The following STON2 variants were observed in gnomAD, a reference collection of about 807,000 sequenced individuals.
STON2 encodes stonin 2, also known as stonin-2.
In STON2, 29 loss-of-function variants were observed where a neutral mutation model predicts 65.7. That is an observed-to-expected ratio of 0.44 (90% confidence interval 0.33 to 0.60). STON2 has a LOEUF of 0.60. Among genes scored for constraint, STON2 ranks in the 20% least tolerant of loss-of-function variants. The pLI is 0.03. For missense variants in STON2, 1,054 were observed against 1,118.1 expected (o/e 0.94, Z 0.82); for synonymous variants, 404 against 414.2 (o/e 0.98, Z 0.30).
intron 4 of STON2, among the ~76,000 whole-genome samples, chr14:81,360,063 C>A (rs1566926246): frequency 1.3e-5 from 2 of 152,220 alleles, no homozygotes; most frequent in East Asian, 3.9e-4. Context: ...TATACTCCAG[C>A]CTTGGCAACA....
In STON2 at chr14:81,263,255, T is replaced by G. The variant is rs929056697; in HGVS notation, c.*5159A>C. ...AACTTTCTTAAAACATTATGCTATT[T>G]TGGCCAGGCGCGGCGGCTCATGCCT... On this transcript the variant is annotated 3_prime_UTR_variant, in exon 8 of 8. Coordinates refer to ENST00000614646, the MANE Select transcript of STON2 (RefSeq NM_001394390.1). 11 of 822,276 alleles carry G rather than the reference T, an allele frequency of 1.3e-5. No homozygotes were observed. Among genetic ancestry groups the G allele is most frequent in the Admixed American group, 6.2e-5 (1 of 16,068 alleles). 50.9% of individuals were successfully genotyped at this position (822,276 alleles called of 1,614,324 possible).
intron 2 of STON2, among the ~76,000 whole-genome samples, chr14:81,422,188 A>G (rs1342962730): frequency 6.6e-6 from 1 of 152,156 alleles, no homozygotes; most frequent in Non-Finnish European, 1.5e-5. Context: ...TTGGATGGTG[A>G]GGCCAGATCC....
chr14:81,386,699 G>A (rs1324705046), intron 3 of STON2, among the ~76,000 whole-genome samples: 1 of 152,174 alleles, frequency 6.6e-6, no homozygotes, highest in Non-Finnish European at 1.5e-5. Context: ...TTCAGCCCTG[G>A]CCTTGCAGAA....
At chr14:81,419,544 G>C (rs951441955) in intron 2 of STON2, among the ~76,000 whole-genome samples, 14 of 152,162 alleles carry the variant, frequency 9.2e-5, no homozygotes, top group Non-Finnish European at 7.4e-5. Flanking sequence ...GCATCCATCT[G>C]CCCAATTCCC....
chr14:81,414,755 C>A (rs1271206860), intron 2 of STON2, among the ~76,000 whole-genome samples: 1 of 152,094 alleles, frequency 6.6e-6, no homozygotes. Flanking sequence ...AATTTCCTGA[C>A]ACCGCAGCCC....
intron 3 of STON2, among the ~76,000 whole-genome samples, chr14:81,393,002 G>A (rs72689302): frequency 0.027 from 4,158 of 152,206 alleles, 85 homozygotes; most frequent in African/African-American, 0.052. Context: ...CCCCAAAGAC[G>A]CCTTGAAAGG....
intron 3 of STON2, among the ~76,000 whole-genome samples, chr14:81,387,130 CA>C (rs1427853615): frequency 6.7e-6 from 1 of 150,036 alleles, no homozygotes; most frequent in East Asian, 2.0e-4. Context: ...GAGAACTATA[CA>C]AAATTTCATT....
intron 5 of STON2, among the ~76,000 whole-genome samples, chr14:81,291,860 C>CGT (rs973643928): frequency 2.3e-5 from 1 of 43,494 alleles, no homozygotes; most frequent in Non-Finnish European, 3.8e-5. Flanking sequence ...AGCATGGGTA[C>CGT]ACACACACAC....
chr14:81,374,308 C>A (rs1279622699), intron 3 of STON2, among the ~76,000 whole-genome samples: 3 of 151,966 alleles, frequency 2.0e-5, no homozygotes, highest in African/African-American at 4.8e-5. Flanking sequence ...CGTGAGCCAC[C>A]ACGCCCGGCC....
At chr14:81,373,757 G>T (rs1483612710) in intron 3 of STON2, among the ~76,000 whole-genome samples, 2 of 152,094 alleles carry the variant, frequency 1.3e-5, no homozygotes, top group Non-Finnish European at 2.9e-5. Context: ...GTCTTAAAGG[G>T]TAAGTTAGAA....
At chr14:81,423,894 G>C (rs1036003955) in intron 2 of STON2, among the ~76,000 whole-genome samples, 1 of 152,208 alleles carries the variant, frequency 6.6e-6, no homozygotes, top group Non-Finnish European at 1.5e-5. Flanking sequence ...GGGTGGGCTT[G>C]GCACAGTGCG....
chr14:81,373,713 G>C (rs1168109813), intron 3 of STON2, among the ~76,000 whole-genome samples: 1 of 152,196 alleles, frequency 6.6e-6, no homozygotes, highest in Non-Finnish European at 1.5e-5. Flanking sequence ...ATGGGGAACA[G>C]AAGAGCTGAC....
chr14:81,356,728 T>G (rs1349162343), intron 4 of STON2, among the ~76,000 whole-genome samples: 4 of 152,158 alleles, frequency 2.6e-5, no homozygotes. Flanking sequence ...CTTCCTGGTT[T>G]AGTCTTGGGA....
intron 4 of STON2, among the ~76,000 whole-genome samples, chr14:81,355,611 C>T (rs181151624): frequency 6.6e-6 from 1 of 152,162 alleles, no homozygotes; most frequent in Non-Finnish European, 1.5e-5. Context: ...GAGTTCATTG[C>T]CAGTATGCCT....
intron 5 of STON2, among the ~76,000 whole-genome samples, chr14:81,308,285 CCT>C (rs1566900795): frequency 1.3e-5 from 2 of 152,110 alleles, no homozygotes; most frequent in South Asian, 4.1e-4. Context: ...TTCACTGCAA[CCT>C]CTGTCTCCTG....
chr14:81,362,530 T>C (rs748363713), intron 4 of STON2, among the ~76,000 whole-genome samples: 5 of 152,176 alleles, frequency 3.3e-5, no homozygotes, highest in Non-Finnish European at 5.9e-5. Context: ...AAGCCTCAAT[T>C]AGACAGTAGT....
At chr14:81,377,013 C>T (rs1595415654) in intron 3 of STON2, among the ~76,000 whole-genome samples, 1 of 152,074 alleles carries the variant, frequency 6.6e-6, no homozygotes, top group Non-Finnish European at 1.5e-5. Context: ...TTTACATGTA[C>T]GTGGGGGTGT....
intron 5 of STON2, among the ~76,000 whole-genome samples, chr14:81,313,860 T>C (rs544084475): frequency 8.0e-5 from 12 of 149,468 alleles, no homozygotes; most frequent in Non-Finnish European, 1.5e-4. Flanking sequence ...AGATCATTCA[T>C]TACAAAGTGT....
chr14:81,397,143 G>C (rs117311534), intron 2 of STON2, among the ~76,000 whole-genome samples: 2,751 of 152,270 alleles, frequency 0.018, 40 homozygotes, highest in Middle Eastern at 0.058. Context: ...TTCATCAGCT[G>C]TACAACAAAA....
Sources: allele counts gnomAD v4.1 joint callset (sites outside exome capture counted in the v4.1 genomes callset), GRCh38; gene constraint gnomAD v4.1.1; transcripts MANE v1.5; gene names NCBI Gene and HGNC (gene_info 2026-07-23, HGNC 2026-07-21).